Variants in FAHD2B observed in about 807,000 individuals in gnomAD.
FAHD2B encodes fumarylacetoacetate hydrolase domain containing 2B.
Under a neutral mutation model 33.7 loss-of-function variants are expected in FAHD2B, and 26 were observed. The observed-to-expected ratio is 0.77, with a 90% CI of 0.57 to 1.07. The LOEUF (loss-of-function observed/expected upper bound fraction) is 1.07. Among genes scored for constraint, FAHD2B ranks in the 50% least tolerant of loss-of-function variants. FAHD2B has a pLI of 0.00. For missense variants in FAHD2B, 272 were observed against 388.1 expected (o/e 0.70, Z 2.51); for synonymous variants, 108 against 150.9 (o/e 0.72, Z 2.08).
downstream of FAHD2B, among the ~76,000 whole-genome samples, chr2:97,080,831 ATTC>A (rs1224993466): frequency 1.3e-5 from 2 of 152,134 alleles, no homozygotes; most frequent in East Asian, 3.9e-4. Flanking sequence ...CAGGTACCTT[ATTC>A]TTCTTGTAGC....
chr2:97,085,991 G>A (rs1227575415), intron 5 of FAHD2B, 130 bp from the exon 6 acceptor site: 1 of 1,369,916 alleles, frequency 7.3e-7, no homozygotes, highest in African/African-American at 1.4e-5. Flanking sequence ...TGAAGGGAAA[G>A]GCAGTGTCAG....
At chr2:97,086,745 C>T (rs1386405476) in intron 4 of FAHD2B, 1 of 154,392 alleles carries the variant, frequency 6.5e-6, no homozygotes, top group Non-Finnish European at 1.4e-5. Flanking sequence ...AAATTGGTGG[C>T]TCTTTCTAAT....
rs2031778931 is a variant in FAHD2B at position 97,083,966 on chromosome 2, T to C, written c.864A>G (p.Lys288=). 1.2e-6 allele frequency: 2 copies of C among 1,612,580 alleles called. No homozygotes were observed. The highest frequency in any genetic ancestry group is 1.7e-6 in the Non-Finnish European group (2 of 1,179,710). Reference sequence around the variant, plus strand: ...AACCTACCTTGAGAAAGACAGGAGGTTTCCTGAATACACCGACACCTGGGG... The same window carrying C: ...AACCTACCTTGAGAAAGACAGGAGGCTTCCTGAATACACCGACACCTGGGG... ...GTPPGVGVFR[K]PPVFLKKGDE... Residue 288 remains lysine, a synonymous_variant, in exon 8 of 9, where the codon AAA becomes AAG. Coordinates refer to ENST00000414820, the MANE Select transcript of FAHD2B (RefSeq NM_001320848.2).
chr2:97,079,293 T>C (rs2031572227), downstream of FAHD2B, among the ~76,000 whole-genome samples: 3 of 152,144 alleles, frequency 2.0e-5, no homozygotes, highest in South Asian at 2.1e-4. Context: ...TACCCAGTAA[T>C]AAGATTGCTT....
chr2:97,093,601 A>G (rs1383455523), intron 1 of FAHD2B, among the ~76,000 whole-genome samples: 1 of 145,802 alleles, frequency 6.9e-6, no homozygotes, highest in Non-Finnish European at 1.5e-5. Flanking sequence ...CAGCCTCCCC[A>G]GCAGCTGGGA....
chr2:97,083,514 G>C (rs200095429), downstream of FAHD2B: 1 of 737,070 alleles, frequency 1.4e-6, no homozygotes, highest in South Asian at 1.9e-5. Flanking sequence ...CTTCTTCCCA[G>C]TCCCACAAAA....
rs549133819 is a variant in FAHD2B at position 97,085,437 on chromosome 2, C to T, written c.685+262G>A. Among the ~76,000 whole-genome samples, 7 of 151,676 alleles carry T rather than the reference C, an allele frequency of 4.6e-5. No homozygotes were observed. The East Asian group carries it at 1.2e-3, about 25-fold the overall frequency. ...TGGCAGCCGCAGGAAGCCCGATCCA[C>T]CCATCAGCTCAGTGTTCTTTGTAAT... is the stretch of plus-strand genomic sequence containing the variant. On this transcript the variant is annotated intron_variant, in intron 6 of 8. Transcript: ENST00000414820.
intron 1 of FAHD2B, among the ~76,000 whole-genome samples, chr2:97,092,246 T>C (rs1015312659): frequency 1.3e-5 from 2 of 152,166 alleles, no homozygotes; most frequent in Non-Finnish European, 2.9e-5. Context: ...ACAGTGGCCA[T>C]AAGCAATTTT....
Position 97,090,255 on chromosome 2 carries a change from C to G in FAHD2B, c.316G>C (p.Asp106His), listed in dbSNP as rs545969103. Residue 106 changes from aspartate (D) to histidine (H), a missense_variant, in exon 4 of 9, where the codon GAT becomes CAT. By Grantham distance (81) the Asp-to-His change is moderately conservative. Coordinates refer to ENST00000414820, the MANE Select transcript of FAHD2B (RefSeq NM_001320848.2). Reference protein sequence around the residue: ...VTFLAPVTWPDKVVCVGMNYV... With the variant: ...VTFLAPVTWPHKVVCVGMNYV... Reference sequence around the variant, plus strand: ...TTCATGCCCACACACACCACCTTATCTGGCCATGTGACTGGAGCCAGGAAG... The same window carrying G: ...TTCATGCCCACACACACCACCTTATGTGGCCATGTGACTGGAGCCAGGAAG... 27 of 1,612,814 alleles carry G rather than the reference C, an allele frequency of 1.7e-5. No individual in the cohort carries two copies. In the South Asian group the frequency reaches 2.9e-4, roughly 17 times the overall value.
chr2:97,082,108 T>C, downstream of FAHD2B: 1 of 1,580,906 alleles, frequency 6.3e-7, no homozygotes, highest in Non-Finnish European at 8.6e-7. Context: ...GGGCCAGTAC[T>C]CCAGGGTGTG....
intron 1 of FAHD2B, among the ~76,000 whole-genome samples, chr2:97,092,777 C>A (rs1472579517): frequency 1.3e-5 from 2 of 151,802 alleles, no homozygotes; most frequent in African/African-American, 4.8e-5. Flanking sequence ...TCAAGACCAG[C>A]CTGGCCAACA....
chr2:97,087,778 A>C (rs2032086663), intron 4 of FAHD2B, among the ~76,000 whole-genome samples: 1 of 152,118 alleles, frequency 6.6e-6, no homozygotes. Flanking sequence ...TTGGATGAGA[A>C]TCTATGGGGC....
chr2:97,083,847 G>C (rs779364401), intron 8 of FAHD2B, 30 bp from the exon 9 acceptor site: 3 of 1,613,944 alleles, frequency 1.9e-6, no homozygotes, highest in African/African-American at 2.7e-5. Flanking sequence ...GACGGTGTCA[G>C]CCCTTCCGTC....
At chr2:97,082,772 G>C (rs200105815), downstream of FAHD2B, 14 of 1,484,018 alleles carry the variant, frequency 9.4e-6, no homozygotes, top group Middle Eastern at 3.4e-4. Context: ...AGAGGAGCCA[G>C]TGTCACCATC....
Position 97,086,145 on chromosome 2 carries a change from G to T in FAHD2B, c.516C>A (p.His172Gln), listed in dbSNP as rs1458718213. ...LAVVIGKKGK[H>Q]IKATDAMAHV... ...CCCACCCTTTCCACCTCACCTTGAT[G>T]TGCTTGCCTTTCTTTCCAATGACCA... is the stretch of plus-strand genomic sequence containing the variant. Residue 172 changes from histidine to glutamine, a missense_variant, in exon 5 of 9, where the codon CAC becomes CAA. His to Gln is a conservative substitution (Grantham distance 24, BLOSUM62 0). Transcript: ENST00000414820. 6.2e-7 allele frequency: 1 copy of T among 1,613,072 alleles called. No homozygotes were observed. The highest frequency in any genetic ancestry group is 1.7e-4 in the Middle Eastern group (1 of 6,046).
chr2:97,081,192 G>A (rs2031632139), downstream of FAHD2B: 2 of 1,492,358 alleles, frequency 1.3e-6, no homozygotes, highest in African/African-American at 2.9e-5. Context: ...AGAATGAGCT[G>A]TACCGCCAGA....
chr2:97,080,882 G>C (rs1167268997), downstream of FAHD2B, among the ~76,000 whole-genome samples: 1 of 152,088 alleles, frequency 6.6e-6, no homozygotes, highest in African/African-American at 2.4e-5. Flanking sequence ...CTGGCTCTCA[G>C]CTCGATTGTT....
Position 97,084,159 on chromosome 2 carries a change from T to C in FAHD2B, c.794+10A>G. ...GGAGCGGGGCTGGCAGGACAGCCCTTGTCACTCACTGGGAGACCCAGGCTA... is the reference window on the plus strand; with the variant it reads ...GGAGCGGGGCTGGCAGGACAGCCCTCGTCACTCACTGGGAGACCCAGGCTA... On this transcript the variant is annotated intron_variant, in intron 7 of 8. Coordinates refer to ENST00000414820, the MANE Select transcript of FAHD2B (RefSeq NM_001320848.2). The C allele has an allele frequency of 6.2e-7, 1 of 1,613,706 alleles. No individual in the cohort carries two copies. The highest frequency in any genetic ancestry group is 8.5e-7 in the Non-Finnish European group (1 of 1,179,816).
rs868733356 is a variant in FAHD2B, at chr2:97,091,681, A to T, written c.26T>A (p.Leu9Ter). The T allele has an allele frequency of 1.2e-6, 2 of 1,612,990 alleles. No individual in the cohort carries two copies. Among genetic ancestry groups the T allele is most frequent in the African/African-American group, 2.7e-5 (2 of 75,014 alleles). MLVSGRRR[L>*]LTALLQAQKW... ...CTGAGCCTGCAGCAGAGCTGTGAGT[A>T]ATCTTCTTCTACCAGACACCAGCAT... The change falls in exon 3 of 9, where the codon TTA becomes TAA. Residue 9 changes from leucine to a stop codon, truncating the protein, a stop_gained. Transcript: ENST00000414820. LOFTEE classifies it high-confidence loss of function.
Sources: gnomAD v4.1 joint callset for allele counts (sites outside exome capture counted in the v4.1 genomes callset) on GRCh38, gnomAD v4.1.1 for gene constraint, MANE v1.5 for transcripts, NCBI Gene and HGNC (gene_info 2026-07-23, HGNC 2026-07-21) for gene names.